SRFBP1: variants seen among roughly 807,000 people sequenced by gnomAD.
SRFBP1 encodes serum response factor-binding protein 1.
Under a neutral mutation model 45.5 loss-of-function variants are expected in SRFBP1, and 47 were observed. That is an observed-to-expected ratio of 1.03 (90% CI 0.82 to 1.32). The LOEUF (loss-of-function observed/expected upper bound fraction) is 1.32. Among genes scored for constraint, SRFBP1 ranks in the 40% most tolerant of loss-of-function variants. SRFBP1 has a pLI of 0.00. For synonymous variants in SRFBP1, 203 were observed against 166.3 expected (o/e 1.22, Z -1.70); for missense variants, 621 against 484.6 (o/e 1.28, Z -2.64).
At chr5:122,054,450 G>C (rs1256234584) in intron 2 of SRFBP1, among the ~76,000 whole-genome samples, 1 of 152,176 alleles carries the variant, frequency 6.6e-6, no homozygotes, top group Non-Finnish European at 1.5e-5. Context: ...CAGATCATCA[G>C]TCTGCAGGGT....
chr5:122,070,525 G>T, intron 2 of SRFBP1: 1 of 1,607,342 alleles, frequency 6.2e-7, no homozygotes, highest in Non-Finnish European at 8.5e-7. Context: ...TTTTACATCT[G>T]TAATATCAAT....
chr5:122,036,588 G>T (rs1171505310), intron 2 of SRFBP1, among the ~76,000 whole-genome samples: 2 of 152,144 alleles, frequency 1.3e-5, no homozygotes, highest in African/African-American at 4.8e-5. Context: ...GCTAGAGATG[G>T]AGTAGCTGAG....
intron 2 of SRFBP1, among the ~76,000 whole-genome samples, chr5:122,058,598 A>G (rs1261415197): frequency 1.3e-5 from 2 of 151,260 alleles, no homozygotes; most frequent in Non-Finnish European, 2.9e-5. Flanking sequence ...AGAACGTAGC[A>G]ACAACTCATT....
chr5:122,064,743 T>C (rs1754253811), intron 2 of SRFBP1: 1 of 151,938 alleles, frequency 6.6e-6, no homozygotes, highest in South Asian at 2.1e-4. Flanking sequence ...ATGCATACCA[T>C]GTGAGTACTT....
Position 122,027,168 on chromosome 5 carries a change from A to T in SRFBP1, c.*42A>T. ...CAAACTTTTCCATCTAAAAAAAAAA[A>T]TGTTTTTTTTAAGACAGGATCTCAT... is the stretch of plus-strand genomic sequence containing the variant. On this transcript the variant is annotated 3_prime_UTR_variant, in exon 8 of 8. Transcript: ENST00000339397. 1 of 1,497,468 alleles carries T rather than the reference A, an allele frequency of 6.7e-7. No homozygotes were observed. The highest frequency in any genetic ancestry group is 2.0e-5 in the Admixed American group (1 of 50,922). The allele number at this position is 1,497,468 out of a possible 1,614,324, so 92.8% of individuals were successfully genotyped here. A position where few individuals can be genotyped will look rare whatever the true frequency, so the allele number is the denominator to read the frequency against.
At chr5:122,033,804 ATTC>A (rs1456295495) in intron 2 of SRFBP1, among the ~76,000 whole-genome samples, 2 of 133,012 alleles carry the variant, frequency 1.5e-5, no homozygotes, top group Non-Finnish European at 3.2e-5. Context: ...GACCTTAGAT[ATTC>A]TTTTATTTTC....
downstream of SRFBP1, chr5:122,028,730 A>T (rs527477263): frequency 1.1e-4 from 17 of 152,252 alleles, no homozygotes; most frequent in East Asian, 3.1e-3. Context: ...TTTTATTTTG[A>T]TATAATTTCA....
intron 7 of SRFBP1, among the ~76,000 whole-genome samples, chr5:122,024,725 A>G (rs1001296413): frequency 6.6e-6 from 1 of 152,210 alleles, no homozygotes; most frequent in Non-Finnish European, 1.5e-5. Context: ...CATTTATACC[A>G]TATATTCACA....
exon 3 of SRFBP1, chr5:122,075,384 C>T: frequency 6.3e-7 from 1 of 1,583,138 alleles, no homozygotes; most frequent in Non-Finnish European, 8.6e-7. Context: ...CAAAAGTACC[C>T]AGGAGGCCCA....
intron 2 of SRFBP1, among the ~76,000 whole-genome samples, chr5:122,074,665 A>G (rs1404720518): frequency 6.6e-6 from 1 of 152,242 alleles, no homozygotes; most frequent in Non-Finnish European, 1.5e-5. Context: ...TATTATTTAA[A>G]TAGTACACAC....
intron 2 of SRFBP1, among the ~76,000 whole-genome samples, chr5:122,067,466 C>G (rs2152585350): frequency 6.6e-6 from 1 of 152,178 alleles, no homozygotes; most frequent in Admixed American, 6.5e-5. Flanking sequence ...CAACAGAATG[C>G]TCTTAAATAT....
chr5:122,003,427 G>C (rs768476863), intron 4 of SRFBP1, among the ~76,000 whole-genome samples: 1 of 151,718 alleles, frequency 6.6e-6, no homozygotes, highest in Non-Finnish European at 1.5e-5. Flanking sequence ...ATAATGACAC[G>C]TTGAACAGAA....
intron 2 of SRFBP1, among the ~76,000 whole-genome samples, chr5:122,048,307 T>C (rs1044891052): frequency 6.6e-5 from 10 of 152,214 alleles, no homozygotes; most frequent in African/African-American, 2.4e-4. Context: ...GATAATCCTA[T>C]GGTTTTTGTC....
At chr5:122,049,555 G>C (rs200372960) in intron 2 of SRFBP1, among the ~76,000 whole-genome samples, 15 of 152,020 alleles carry the variant, frequency 9.9e-5, no homozygotes, top group African/African-American at 3.6e-4. Flanking sequence ...CTCTCCACCC[G>C]AAATCAACAG....
intron 4 of SRFBP1, among the ~76,000 whole-genome samples, chr5:121,998,966 A>G (rs573144685): frequency 2.0e-5 from 3 of 152,060 alleles, no homozygotes; most frequent in Admixed American, 6.5e-5. Flanking sequence ...GTATTAATTG[A>G]TTTTTCTGTA....
intron 7 of SRFBP1, among the ~76,000 whole-genome samples, chr5:122,023,119 A>G (rs367706039): frequency 1.3e-5 from 2 of 152,254 alleles, no homozygotes; most frequent in African/African-American, 4.8e-5. Flanking sequence ...ATCATTAGCC[A>G]GAATTCAGTC....
At chr5:122,024,641 ATGGAAACTATATTCTGAT>A (rs1255407217) in intron 7 of SRFBP1, among the ~76,000 whole-genome samples, 1 of 152,236 alleles carries the variant, frequency 6.6e-6, no homozygotes, top group Admixed American at 6.5e-5. Flanking sequence ...TGCAGCAGGA[ATGGAAACTATATTCTGAT>A]TGTATGCCTA....
downstream of SRFBP1, among the ~76,000 whole-genome samples, chr5:122,032,403 C>T (rs1753605607): frequency 1.3e-5 from 2 of 152,000 alleles, no homozygotes; most frequent in South Asian, 4.2e-4. Context: ...CCGCCCGCCC[C>T]CTGTAAACAA....
chr5:122,032,243 G>T (rs1753600921), downstream of SRFBP1, among the ~76,000 whole-genome samples: 1 of 150,098 alleles, frequency 6.7e-6, no homozygotes. Flanking sequence ...TTATTTTAAT[G>T]ATTTTTCCTC....
Sources: allele counts gnomAD v4.1 joint callset (sites outside exome capture counted in the v4.1 genomes callset), GRCh38; gene constraint gnomAD v4.1.1; transcripts MANE v1.5; gene names NCBI Gene and HGNC (gene_info 2026-07-23, HGNC 2026-07-21).